GALNT17: variants seen among roughly 807,000 people sequenced by gnomAD.
The protein encoded by GALNT17 is polypeptide N-acetylgalactosaminyltransferase 17.
GALNT17 carries 29 observed loss-of-function variants against 63.7 expected under a neutral mutation model. The ratio of observed to expected loss-of-function variants is 0.46; its 90% CI spans 0.34 to 0.62. GALNT17 has a LOEUF of 0.62. GALNT17 is among the 20% of genes least tolerant of loss of function. GALNT17 has a pLI of 0.01. For missense variants in GALNT17, 603 were observed against 799.6 expected (o/e 0.75, Z 2.97); for synonymous variants, 305 against 318.3 (o/e 0.96, Z 0.45).
At chr7:71,556,544 C>T (rs1320100369) in intron 5 of GALNT17, among the ~76,000 whole-genome samples, 2 of 152,132 alleles carry the variant, frequency 1.3e-5, no homozygotes, top group South Asian at 2.1e-4. Flanking sequence ...AACTCACCCT[C>T]GGCATCATCT....
chr7:71,205,247 A>T (rs1789251214), intron 1 of GALNT17, among the ~76,000 whole-genome samples: 1 of 140,670 alleles, frequency 7.1e-6, no homozygotes, highest in South Asian at 2.2e-4. Flanking sequence ...CCCACCTCCC[A>T]GGTTCAAGCG....
chr7:71,651,085 TAG>T (rs1790746826), intron 6 of GALNT17, among the ~76,000 whole-genome samples: 1 of 151,942 alleles, frequency 6.6e-6, no homozygotes, highest in Admixed American at 6.6e-5. Flanking sequence ...GAAGCTGTTG[TAG>T]AGAGAGGACT....
intron 1 of GALNT17, among the ~76,000 whole-genome samples, chr7:71,188,243 C>T (rs576815206): frequency 6.6e-6 from 1 of 152,200 alleles, no homozygotes; most frequent in African/African-American, 2.4e-5. Flanking sequence ...GGTAGATGCC[C>T]AGTAGTGGGA....
At chr7:71,347,632 G>GT (rs5884833) in intron 2 of GALNT17, among the ~76,000 whole-genome samples, 45,620 of 151,912 alleles carry the variant, frequency 0.3, 7,010 homozygotes, top group East Asian at 0.48. Flanking sequence ...TTGTCCCCAA[G>GT]CAGCACAGAA....
intron 1 of GALNT17, among the ~76,000 whole-genome samples, chr7:71,147,787 A>G (rs1288963764): frequency 6.6e-6 from 1 of 151,910 alleles, no homozygotes; most frequent in Non-Finnish European, 1.5e-5. Context: ...GTGCACCACC[A>G]CACCCGGCTA....
chr7:71,511,389 ACCCTCG>A (rs965297915), intron 5 of GALNT17, among the ~76,000 whole-genome samples: 84 of 152,242 alleles, frequency 5.5e-4, no homozygotes, highest in African/African-American at 1.6e-3. Flanking sequence ...CCTGCAAGCA[ACCCTCG>A]TGGCCCTAGG....
chr7:71,179,125 G>A (rs905615254), intron 1 of GALNT17, among the ~76,000 whole-genome samples: 1 of 152,154 alleles, frequency 6.6e-6, no homozygotes, highest in Non-Finnish European at 1.5e-5. Context: ...AAAGGGAAAC[G>A]TCAAGCTGGG....
intron 1 of GALNT17, among the ~76,000 whole-genome samples, chr7:71,255,081 A>G (rs1353836523): frequency 6.6e-6 from 1 of 152,198 alleles, no homozygotes; most frequent in East Asian, 1.9e-4. Flanking sequence ...GTGGATTCCT[A>G]TCTATTTTCA....
chr7:71,255,893 A>C (rs1312272257), intron 1 of GALNT17, among the ~76,000 whole-genome samples: 1 of 152,194 alleles, frequency 6.6e-6, no homozygotes, highest in Non-Finnish European at 1.5e-5. Flanking sequence ...GCCAAGGGCA[A>C]TCCCAAGTTA....
intron 1 of GALNT17, among the ~76,000 whole-genome samples, chr7:71,161,019 T>TTC (rs1788332911): frequency 6.6e-6 from 1 of 152,010 alleles, no homozygotes; most frequent in Admixed American, 6.6e-5. Context: ...ATTTTTTTTT[T>TTC]CCGTAGAGAT....
chr7:71,560,443 T>A (rs917368006), intron 5 of GALNT17, among the ~76,000 whole-genome samples: 2 of 152,052 alleles, frequency 1.3e-5, no homozygotes, highest in African/African-American at 4.8e-5. Context: ...AGGGAATTGA[T>A]CACTTGTCAC....
At chr7:71,409,699 C>A (rs972429253) in intron 3 of GALNT17, among the ~76,000 whole-genome samples, 1 of 152,144 alleles carries the variant, frequency 6.6e-6, no homozygotes, top group Non-Finnish European at 1.5e-5. Context: ...TGTTTTAGGA[C>A]CACCAGGTTC....
chr7:71,691,403 A>G (rs970353315), intron 9 of GALNT17, among the ~76,000 whole-genome samples: 1 of 152,212 alleles, frequency 6.6e-6, no homozygotes, highest in Non-Finnish European at 1.5e-5. Context: ...CTGGGAAACC[A>G]ATATATTTGT....
intron 6 of GALNT17, among the ~76,000 whole-genome samples, chr7:71,583,987 C>A (rs1789677687): frequency 6.6e-6 from 1 of 151,986 alleles, no homozygotes; most frequent in South Asian, 2.1e-4. Context: ...AAAAAATTAG[C>A]CGGGCGTGGT....
intron 1 of GALNT17, among the ~76,000 whole-genome samples, chr7:71,135,727 G>T (rs1367859085): frequency 6.6e-6 from 1 of 152,280 alleles, no homozygotes; most frequent in South Asian, 2.1e-4. Flanking sequence ...CCTACATCAA[G>T]CAGAGTAAAG....
chr7:71,586,806 A>C (rs1369203561), intron 6 of GALNT17, among the ~76,000 whole-genome samples: 1 of 152,098 alleles, frequency 6.6e-6, no homozygotes, highest in Non-Finnish European at 1.5e-5. Flanking sequence ...TAATTTGTAA[A>C]GATCAAGTCA....
chr7:71,321,902 C>CCTTCCTTCCTTT (rs1554353219), intron 1 of GALNT17, among the ~76,000 whole-genome samples: 1,632 of 70,026 alleles, frequency 0.023, 68 homozygotes, highest in African/African-American at 0.052. Context: ...TTCCTTCCTT[C>CCTTCCTTCCTTT]CTTCCTTCCT....
At chr7:71,477,654 A>C (rs1462299314) in intron 5 of GALNT17, among the ~76,000 whole-genome samples, 8 of 152,128 alleles carry the variant, frequency 5.3e-5, no homozygotes, top group Non-Finnish European at 1.2e-4. Flanking sequence ...GCATCACTGC[A>C]CTCCGGCCTG....
chr7:71,596,084 G>A (rs1294260584), intron 6 of GALNT17, among the ~76,000 whole-genome samples: 2 of 152,176 alleles, frequency 1.3e-5, no homozygotes, highest in Non-Finnish European at 2.9e-5. Flanking sequence ...TGTCACCCAA[G>A]CTGGAGTGCA....
Sources: allele counts gnomAD v4.1 joint callset (sites outside exome capture counted in the v4.1 genomes callset), GRCh38; gene constraint gnomAD v4.1.1; transcripts MANE v1.5; gene names NCBI Gene and HGNC (gene_info 2026-07-23, HGNC 2026-07-21).